MTMR7: variants seen among roughly 807,000 people sequenced by gnomAD.
The protein encoded by MTMR7 is myotubularin related protein 7, also known as phosphatidylinositol-3-phosphate phosphatase MTMR7.
A neutral mutation model predicts 81.2 loss-of-function variants in MTMR7; 76 were observed. That is an observed-to-expected ratio of 0.94 (90% confidence interval 0.78 to 1.13). MTMR7 has a LOEUF of 1.13. MTMR7 is among the 50% of genes most tolerant of loss of function. MTMR7 has a pLI of 0.00. For synonymous variants in MTMR7, 372 were observed against 289.8 expected (o/e 1.28, Z -2.88); for missense variants, 1,044 against 820.0 (o/e 1.27, Z -3.34).
chr8:17,413,303 C>A lies in MTMR7; in HGVS notation c.-11G>T, dbSNP rs375063592. 6.5e-6 allele frequency: 10 copies of A among 1,542,066 alleles called. No individual in the cohort carries two copies. Among genetic ancestry groups the A allele is most frequent in the South Asian group, 1.2e-5 (1 of 83,598 alleles). On this transcript the variant is annotated 5_prime_UTR_variant, in exon 1 of 14. Transcript: ENST00000180173. ...ACGGATGTGCTCCATGGCTGGCCCA[C>A]GTCTGCAGGGTCCCGGGCGGGCGCG...
intron 4 of MTMR7, among the ~76,000 whole-genome samples, chr8:17,350,508 T>C (rs1295451029): frequency 6.6e-6 from 1 of 152,176 alleles, no homozygotes; most frequent in Non-Finnish European, 1.5e-5. Flanking sequence ...CCAGCTCCCA[T>C]GATCCAATTA....
At chr8:17,397,339 C>T (rs1821292333) in intron 1 of MTMR7, among the ~76,000 whole-genome samples, 1 of 151,970 alleles carries the variant, frequency 6.6e-6, no homozygotes, top group African/African-American at 2.4e-5. Flanking sequence ...GAGGGGAGCT[C>T]AATGCCCTGA....
chr8:17,380,760 T>A (rs1215333539), intron 1 of MTMR7, among the ~76,000 whole-genome samples: 2 of 152,204 alleles, frequency 1.3e-5, no homozygotes, highest in Non-Finnish European at 2.9e-5. Flanking sequence ...ATTGTAGAAT[T>A]GTTATTCAAA....
At chr8:17,393,369 G>C (rs1476688499) in intron 1 of MTMR7, among the ~76,000 whole-genome samples, 1 of 152,074 alleles carries the variant, frequency 6.6e-6, no homozygotes, top group African/African-American at 2.4e-5. Context: ...GCAACCAAAG[G>C]AAAATAGATA....
intron 6 of MTMR7, among the ~76,000 whole-genome samples, chr8:17,339,935 T>A (rs1819356093): frequency 6.6e-6 from 1 of 152,202 alleles, no homozygotes; most frequent in Non-Finnish European, 1.5e-5. Flanking sequence ...AACAGTGTGG[T>A]ATACATTCTC....
intron 7 of MTMR7, among the ~76,000 whole-genome samples, chr8:17,323,687 A>G (rs932266421): frequency 6.6e-6 from 1 of 152,116 alleles, no homozygotes; most frequent in Non-Finnish European, 1.5e-5. Flanking sequence ...CCAGCTGAGA[A>G]AGCTTCCAGG....
intron 2 of MTMR7, 93 bp downstream of exon 2, chr8:17,373,025 C>A (rs1585101200): frequency 6.8e-7 from 1 of 1,476,450 alleles, no homozygotes; most frequent in Non-Finnish European, 9.2e-7. Context: ...CAAAAGCCCA[C>A]CCATCTCACC....
chr8:17,343,165 G>A (rs912381905), intron 5 of MTMR7, among the ~76,000 whole-genome samples: 2 of 152,140 alleles, frequency 1.3e-5, no homozygotes, highest in African/African-American at 2.4e-5. Flanking sequence ...GGTGGCTCAC[G>A]CCTGTAATCC....
At chr8:17,327,806 C>G (rs965608220) in intron 7 of MTMR7, among the ~76,000 whole-genome samples, 2 of 152,172 alleles carry the variant, frequency 1.3e-5, no homozygotes, top group Admixed American at 1.3e-4. Context: ...TTTTAACTTA[C>G]ATTTCTCTAA....
At chr8:17,369,636 T>C (rs920924505) in intron 3 of MTMR7, among the ~76,000 whole-genome samples, 6 of 142,124 alleles carry the variant, frequency 4.2e-5, no homozygotes, top group African/African-American at 1.3e-4. Context: ...TATATTTCTT[T>C]TTTTCTTTTT....
chr8:17,374,097 CAG>C (rs1820499713), intron 1 of MTMR7, among the ~76,000 whole-genome samples: 1 of 152,218 alleles, frequency 6.6e-6, no homozygotes, highest in Admixed American at 6.5e-5. Context: ...CAACCACCTG[CAG>C]AGAAACACTG....
intron 5 of MTMR7, among the ~76,000 whole-genome samples, chr8:17,347,181 G>A (rs1186230349): frequency 6.8e-6 from 1 of 148,092 alleles, no homozygotes; most frequent in Non-Finnish European, 1.5e-5. Flanking sequence ...GGCGACAAGT[G>A]AGATCTTGTT....
intron 6 of MTMR7, among the ~76,000 whole-genome samples, chr8:17,334,540 C>G (rs966111731): frequency 6.6e-6 from 1 of 151,240 alleles, no homozygotes; most frequent in Non-Finnish European, 1.5e-5. Context: ...CAAAAATACC[C>G]TGTTTCCTAA....
chr8:17,331,960 T>C lies in MTMR7; in HGVS notation c.733-678A>G, dbSNP rs566449373. 7.7e-4 allele frequency among the ~76,000 whole-genome samples: 117 copies of C among 152,332 alleles called. 1 individual carries two copies. Among genetic ancestry groups the C allele is most frequent in the African/African-American group, 2.7e-3 (113 of 41,574 alleles). Reference sequence around the variant, plus strand: ...GAAGTTGGGGTCTCCAAGTGCAAACTAGGTTAAGTCACAGTGGTATCTGAA... The same window carrying C: ...GAAGTTGGGGTCTCCAAGTGCAAACCAGGTTAAGTCACAGTGGTATCTGAA... On this transcript the variant is annotated intron_variant, in intron 6 of 13. Coordinates refer to ENST00000180173, the MANE Select transcript of MTMR7 (RefSeq NM_004686.5).
At chr8:17,303,279 C>T (rs1347133199) in intron 12 of MTMR7, among the ~76,000 whole-genome samples, 1 of 152,072 alleles carries the variant, frequency 6.6e-6, no homozygotes, top group East Asian at 1.9e-4. Flanking sequence ...GTCTTACATG[C>T]ACTATGGAGG....
chr8:17,380,330 C>A (rs1379368793), intron 1 of MTMR7, among the ~76,000 whole-genome samples: 1 of 152,134 alleles, frequency 6.6e-6, no homozygotes. Flanking sequence ...ACTCTATATA[C>A]CTGAGCTCAA....
At chr8:17,390,497 G>C (rs192339459) in intron 1 of MTMR7, among the ~76,000 whole-genome samples, 1 of 152,152 alleles carries the variant, frequency 6.6e-6, no homozygotes, top group African/African-American at 2.4e-5. Flanking sequence ...TGGTGGAACT[G>C]TATCACCACG....
intron 1 of MTMR7, among the ~76,000 whole-genome samples, chr8:17,399,569 A>G (rs1296903147): frequency 2.0e-5 from 3 of 152,174 alleles, no homozygotes; most frequent in African/African-American, 7.2e-5. Context: ...GTAATCTACA[A>G]ATTCAATACA....
At chr8:17,382,079 G>A (rs1156469453) in intron 1 of MTMR7, among the ~76,000 whole-genome samples, 1 of 152,154 alleles carries the variant, frequency 6.6e-6, no homozygotes, top group Non-Finnish European at 1.5e-5. Flanking sequence ...ATACAATAAT[G>A]ACTCAATATT....
Sources: gnomAD v4.1 joint callset for allele counts (sites outside exome capture counted in the v4.1 genomes callset) on GRCh38, gnomAD v4.1.1 for gene constraint, MANE v1.5 for transcripts, NCBI Gene and HGNC (gene_info 2026-07-23, HGNC 2026-07-21) for gene names.